The following SH3RF2 variants were observed in gnomAD, a reference collection of about 807,000 sequenced individuals.
SH3RF2 encodes E3 ubiquitin-protein ligase SH3RF2.
Under a neutral mutation model 59.0 loss-of-function variants are expected in SH3RF2, and 43 were observed. That is an observed-to-expected ratio of 0.73 (90% CI 0.57 to 0.94). SH3RF2 has a LOEUF of 0.94. Ranked by LOEUF, SH3RF2 falls within the 40% of genes least tolerant of loss-of-function variation. SH3RF2 has a pLI of 0.00. For missense variants in SH3RF2, 930 were observed against 940.1 expected (o/e 0.99, Z 0.14); for synonymous variants, 391 against 391.5 (o/e 1.00, Z 0.01).
rs200740944 is a variant in SH3RF2, at chr5:145,937,900, C to T, written c.-29C>T. The stretch of plus-strand genomic sequence containing the variant: ...ACCCTACCATGTGGACGCTGCTCCT[C>T]CAGGTGGGAACTGGAGTTTTGAAAT... On this transcript the variant is annotated 5_prime_UTR_variant, in exon 2 of 10. Transcript: ENST00000359120. 3.1e-6 allele frequency: 5 copies of T among 1,591,214 alleles called. No individual in the cohort carries two copies. The highest frequency in any genetic ancestry group is 3.4e-5 in the Admixed American group (2 of 58,666).
chr5:146,060,549 C>A (rs1762851688), intron 9 of SH3RF2, among the ~76,000 whole-genome samples: 1 of 152,042 alleles, frequency 6.6e-6, no homozygotes, highest in African/African-American at 2.4e-5. Flanking sequence ...AGCTTTGCTG[C>A]TTGCTAGCTG....
chr5:146,079,245 T>C (rs891384173), exon 10 of SH3RF2: 1 of 151,996 alleles, frequency 6.6e-6, no homozygotes, highest in Non-Finnish European at 1.5e-5. Context: ...CATAAATAAG[T>C]CATCATAAAG....
intron 5 of SH3RF2, among the ~76,000 whole-genome samples, chr5:146,038,924 T>A (rs777520181): frequency 1.4e-4 from 22 of 152,258 alleles, no homozygotes; most frequent in Non-Finnish European, 2.6e-4. Context: ...ATTTCCATTT[T>A]TATTTCAAAG....
chr5:145,964,295 CCTTCCTTCCTTT>C (rs1758770536), intron 2 of SH3RF2, among the ~76,000 whole-genome samples: 1 of 135,196 alleles, frequency 7.4e-6, no homozygotes, highest in Non-Finnish European at 1.6e-5. Flanking sequence ...TTCCTTCCTT[CCTTCCTTCCTTT>C]CTTTCTTTTT....
At chr5:146,048,231 G>A (rs574835599) in intron 6 of SH3RF2, among the ~76,000 whole-genome samples, 3 of 151,882 alleles carry the variant, frequency 2.0e-5, no homozygotes, top group African/African-American at 7.2e-5. Context: ...AGGAGGATGG[G>A]TTGAGCCCAG....
intron 2 of SH3RF2, among the ~76,000 whole-genome samples, chr5:145,959,348 C>A (rs1036640554): frequency 6.6e-6 from 1 of 152,110 alleles, no homozygotes; most frequent in African/African-American, 2.4e-5. Flanking sequence ...TGCCAGAACT[C>A]TTTTAGTTGC....
chr5:145,996,653 C>G (rs539014386), intron 2 of SH3RF2, among the ~76,000 whole-genome samples: 2 of 152,154 alleles, frequency 1.3e-5, no homozygotes, highest in African/African-American at 4.8e-5. Context: ...CATGATTACA[C>G]AAAAGGAAAG....
intron 4 of SH3RF2, among the ~76,000 whole-genome samples, chr5:146,009,196 A>G (rs1361895902): frequency 6.6e-6 from 1 of 152,220 alleles, no homozygotes; most frequent in Non-Finnish European, 1.5e-5. Flanking sequence ...ACTTTCTAAG[A>G]CACTGCCAAA....
chr5:145,946,532 T>C (rs2149942636), intron 2 of SH3RF2, among the ~76,000 whole-genome samples: 1 of 152,312 alleles, frequency 6.6e-6, no homozygotes, highest in Non-Finnish European at 1.5e-5. Context: ...TGGCACACTA[T>C]ATTAGGCATA....
intron 2 of SH3RF2, among the ~76,000 whole-genome samples, chr5:145,951,277 T>A (rs934451882): frequency 8.5e-5 from 13 of 152,206 alleles, no homozygotes; most frequent in Non-Finnish European, 1.6e-4. Context: ...TAAGCACACA[T>A]TCTTGACTGT....
chr5:145,963,990 G>A (rs1293040175), intron 2 of SH3RF2, among the ~76,000 whole-genome samples: 4 of 151,506 alleles, frequency 2.6e-5, no homozygotes, highest in African/African-American at 7.3e-5. Flanking sequence ...CCGCCACCGC[G>A]CCCGGCTAAT....
At chr5:145,971,302 A>G (rs1199375171) in intron 2 of SH3RF2, among the ~76,000 whole-genome samples, 4 of 152,236 alleles carry the variant, frequency 2.6e-5, no homozygotes, top group African/African-American at 4.8e-5. Context: ...AGCCAATAAC[A>G]GTAGTCTGCC....
intron 2 of SH3RF2, among the ~76,000 whole-genome samples, chr5:145,941,219 A>G (rs1442193442): frequency 2.6e-5 from 4 of 152,198 alleles, no homozygotes; most frequent in Admixed American, 2.6e-4. Context: ...CATCTAAAAA[A>G]CAAGCTCATC....
At chr5:146,037,306 A>C (rs1306303148) in intron 5 of SH3RF2, among the ~76,000 whole-genome samples, 1 of 152,156 alleles carries the variant, frequency 6.6e-6, no homozygotes, top group Non-Finnish European at 1.5e-5. Flanking sequence ...TACAATGCCA[A>C]AGCTCAAACC....
In SH3RF2 at chr5:146,006,798, A is replaced by C. The variant is rs563451075; in HGVS notation, c.744+2645A>C. Among the ~76,000 whole-genome samples the C allele has an allele frequency of 9.8e-5, 15 of 152,320 alleles. 3 individuals are homozygous for C. Among genetic ancestry groups the C allele is most frequent in the African/African-American group, 3.6e-4 (15 of 41,576 alleles). ...CAAAGAAAATGTTATTCCTCACCTA[A>C]ATTCCATGTTCAGTGCAGAGTGATG... On this transcript the variant is annotated intron_variant, in intron 4 of 9. Transcript: ENST00000359120.
chr5:146,074,523 C>T (rs1561777541), intron 9 of SH3RF2, among the ~76,000 whole-genome samples: 1 of 151,890 alleles, frequency 6.6e-6, no homozygotes, highest in African/African-American at 2.4e-5. Context: ...GGAACTGGCC[C>T]TGGCAGTGCT....
chr5:146,033,530 G>C (rs1252737050), intron 5 of SH3RF2, among the ~76,000 whole-genome samples: 10 of 136,474 alleles, frequency 7.3e-5, no homozygotes, highest in African/African-American at 2.6e-4. Flanking sequence ...GAGTGCAAAG[G>C]CCCGATCTCG....
intron 8 of SH3RF2, among the ~76,000 whole-genome samples, chr5:146,057,928 GTCTCTCTCTCTCTCTCTCTCTCTC>G (rs58826823): frequency 7.5e-6 from 1 of 133,178 alleles, no homozygotes; most frequent in Non-Finnish European, 1.6e-5. Context: ...GGCTGTTAGT[GTCTCTCTCTCTCTCTCTCTCTCTC>G]TCTCTCTCTC....
chr5:146,023,806 C>T (rs753067692), intron 5 of SH3RF2, among the ~76,000 whole-genome samples: 6 of 152,168 alleles, frequency 3.9e-5, no homozygotes, highest in African/African-American at 9.7e-5. Context: ...TACTTTCTGT[C>T]TTTATAGATT....
Sources: gnomAD v4.1 joint callset for allele counts (sites outside exome capture counted in the v4.1 genomes callset) on GRCh38, gnomAD v4.1.1 for gene constraint, MANE v1.5 for transcripts, NCBI Gene and HGNC (gene_info 2026-07-23, HGNC 2026-07-21) for gene names.